ZNF385D: variants seen among roughly 807,000 people sequenced by gnomAD.
ZNF385D encodes the protein zinc finger protein 385D, also known as zinc finger protein 659.
ZNF385D carries 15 observed loss-of-function variants against 35.8 expected under a neutral mutation model. That is an observed-to-expected ratio of 0.42 (90% confidence interval 0.28 to 0.64). ZNF385D has a LOEUF of 0.64. Ranked by LOEUF, ZNF385D falls within the 30% of genes least tolerant of loss-of-function variation. The probability of loss-of-function intolerance (pLI) is 0.23; values close to 1 mark genes in which losing one functional copy is unlikely to be tolerated. For missense variants in ZNF385D, 474 were observed against 494.6 expected, an observed-to-expected ratio of 0.96 and a Z score of 0.39; for synonymous variants, 212 against 186.8, an observed-to-expected ratio of 1.13 and a Z score of -1.10.
rs1308853208 is a variant in ZNF385D at position 21,416,800 on chromosome 3, A to G, written c.*4414T>C. Reference sequence around the variant, plus strand: ...TAAAATACATGCAAACGCAGGACAGAATTAGTTATGGCTTAGTCGGGACCC... The same window carrying G: ...TAAAATACATGCAAACGCAGGACAGGATTAGTTATGGCTTAGTCGGGACCC... On this transcript the variant is annotated 3_prime_UTR_variant, in exon 8 of 8. Coordinates refer to ENST00000281523, the MANE Select transcript of ZNF385D (RefSeq NM_024697.3). 6.6e-6 allele frequency: 1 copy of G among 152,160 alleles called. No individual in the cohort carries two copies. The highest frequency in any genetic ancestry group is 1.9e-4 in the East Asian group (1 of 5,198). The allele number at this position is 152,160 out of a possible 1,614,324, so 9.4% of individuals were successfully genotyped here.
At chr3:21,598,357 G>A (rs897100696) in intron 2 of ZNF385D, among the ~76,000 whole-genome samples, 4 of 152,156 alleles carry the variant, frequency 2.6e-5, no homozygotes, top group Non-Finnish European at 4.4e-5. Flanking sequence ...AGCCTAATGA[G>A]TGAAAAATCC....
At chr3:22,297,330 GAAA>G (rs1053799057) in intron 2 of ZNF385D, among the ~76,000 whole-genome samples, 4 of 152,062 alleles carry the variant, frequency 2.6e-5, no homozygotes, top group Middle Eastern at 3.4e-3. Context: ...CCCTTCATCT[GAAA>G]AAAGCTATCT....
intron 2 of ZNF385D, among the ~76,000 whole-genome samples, chr3:21,639,241 C>T (rs1454023476): frequency 6.6e-6 from 1 of 151,978 alleles, no homozygotes; most frequent in East Asian, 1.9e-4. Flanking sequence ...TTCTGGAATA[C>T]TTTATATATC....
intron 2 of ZNF385D, among the ~76,000 whole-genome samples, chr3:22,201,815 A>T (rs532440959): frequency 6.6e-6 from 1 of 151,642 alleles, no homozygotes; most frequent in South Asian, 2.1e-4. Context: ...ATATACATAT[A>T]TATATATAAA....
intron 3 of ZNF385D, among the ~76,000 whole-genome samples, chr3:21,864,239 T>G (rs1416664440): frequency 2.0e-5 from 3 of 152,130 alleles, no homozygotes; most frequent in Non-Finnish European, 4.4e-5. Context: ...CATGTGACAT[T>G]TGATCCTTAT....
chr3:22,134,099 C>T (rs1450901844), intron 3 of ZNF385D: 1 of 151,926 alleles, frequency 6.6e-6, no homozygotes, highest in African/African-American at 2.4e-5. Context: ...TAATTTCATA[C>T]AATATAAATT....
rs1204061540 is a variant in ZNF385D, at chr3:21,601,459, G to T, written c.166-36775C>A. On this transcript the variant is annotated intron_variant, in intron 2 of 7. Transcript: ENST00000281523. ...AAAAAGTAACACAAGATTGTAGGCT[G>T]CTGTCCCAAGATGGAGAAAATCCCT... 2.0e-5 allele frequency among the ~76,000 whole-genome samples: 3 copies of T among 152,210 alleles called. No homozygotes were observed. The East Asian group carries it at 5.8e-4, about 29-fold the overall frequency.
chr3:22,165,088 T>G (rs1706225592), intron 3 of ZNF385D, among the ~76,000 whole-genome samples: 1 of 152,300 alleles, frequency 6.6e-6, no homozygotes, highest in Admixed American at 6.5e-5. Context: ...TGGATACATG[T>G]CATTACACAT....
At chr3:21,836,756 T>C (rs1012914665) in intron 3 of ZNF385D, among the ~76,000 whole-genome samples, 2 of 152,130 alleles carry the variant, frequency 1.3e-5, no homozygotes, top group African/African-American at 4.8e-5. Flanking sequence ...AATATTATTT[T>C]TATTTTCTAT....
intron 3 of ZNF385D, among the ~76,000 whole-genome samples, chr3:21,886,318 A>G (rs887290210): frequency 1.3e-5 from 2 of 152,068 alleles, no homozygotes; most frequent in African/African-American, 2.4e-5. Flanking sequence ...AATTCGCTGC[A>G]CAGTGATTGT....
At chr3:21,584,912 A>G (rs1484539192) in intron 2 of ZNF385D, among the ~76,000 whole-genome samples, 2 of 152,114 alleles carry the variant, frequency 1.3e-5, no homozygotes, top group African/African-American at 2.4e-5. Context: ...TAAAGCTTTC[A>G]TCTATTGGCA....
intron 1 of ZNF385D, among the ~76,000 whole-genome samples, chr3:21,679,954 C>A (rs562572075): frequency 6.6e-6 from 1 of 152,066 alleles, no homozygotes; most frequent in Admixed American, 6.6e-5. Context: ...CATTATCTGA[C>A]AAAATATTGT....
intron 2 of ZNF385D, among the ~76,000 whole-genome samples, chr3:22,215,440 T>A (rs1486755088): frequency 2.0e-5 from 3 of 151,958 alleles, no homozygotes; most frequent in Non-Finnish European, 4.4e-5. Flanking sequence ...GCCTCTAAAA[T>A]GGCTGCTTCA....
At chr3:21,597,191 T>C (rs1559445075) in intron 2 of ZNF385D, among the ~76,000 whole-genome samples, 1 of 152,130 alleles carries the variant, frequency 6.6e-6, no homozygotes, top group Non-Finnish European at 1.5e-5. Context: ...TACAACCTAA[T>C]TAATTAATTG....
Position 22,037,805 on chromosome 3 carries a change from T to A in ZNF385D, c.325+131012A>T, listed in dbSNP as rs900357852. Among the ~76,000 whole-genome samples the A allele has an allele frequency of 5.3e-5, 8 of 152,258 alleles. No homozygotes were observed. In the East Asian group the frequency reaches 1.5e-3, roughly 29 times the overall value. ...GCCCATGCCTATGTCCTGAATGGTA[T>A]TGCCTAGGTTTTCTTCTAGGGTTTT... On this transcript the variant is annotated intron_variant, in intron 3 of 5. Coordinates refer to the ZNF385D transcript ENST00000494108.
chr3:21,772,968 G>C (rs532710732), intron 3 of ZNF385D, among the ~76,000 whole-genome samples: 2 of 151,958 alleles, frequency 1.3e-5, no homozygotes, highest in South Asian at 2.1e-4. Context: ...GACAAATACT[G>C]TATGATTCCA....
chr3:21,540,772 T>C (rs963590084), intron 3 of ZNF385D, among the ~76,000 whole-genome samples: 5 of 152,216 alleles, frequency 3.3e-5, no homozygotes, highest in African/African-American at 1.2e-4. Flanking sequence ...ACTTATGTGA[T>C]TATGAAAAGA....
At chr3:22,024,321 G>A (rs954430694) in intron 3 of ZNF385D, among the ~76,000 whole-genome samples, 10 of 151,930 alleles carry the variant, frequency 6.6e-5, no homozygotes, top group Non-Finnish European at 1.0e-4. Flanking sequence ...ATATGTGTGC[G>A]TGTGTGTGTA....
At position 21,757,134 on chromosome 3, in the gene ZNF385D, T is replaced by TTTTTTTTTG. The variant is rs1553654008; in HGVS notation, c.326-92107_326-92106insCAAAAAAAA. Among the ~76,000 whole-genome samples, 990 of 127,934 alleles carry TTTTTTTTTG rather than the reference T, an allele frequency of 7.7e-3. 6 individuals carry two copies. Among genetic ancestry groups the TTTTTTTTTG allele is most frequent in the African/African-American group, 0.028 (933 of 33,834 alleles). 83.9% of individuals were successfully genotyped at this position (127,934 alleles called of 152,430 possible). A position where few individuals can be genotyped will look rare whatever the true frequency, so the allele number is the denominator to read the frequency against. On this transcript the variant is annotated intron_variant, in intron 3 of 5. Transcript: ENST00000494108. Reference sequence around the variant, plus strand: ...GATAAATTTCTCTTTTTTTTTTTTTTTTTTTGTTTTCTTGAGATGGTGTCT... The same window carrying TTTTTTTTTG: ...GATAAATTTCTCTTTTTTTTTTTTTTTTTTTTTTGTTTTTGTTTTCTTGAGATGGTGTCT...
Sources: gnomAD v4.1 joint callset for allele counts (sites outside exome capture counted in the v4.1 genomes callset) on GRCh38, gnomAD v4.1.1 for gene constraint, MANE v1.5 for transcripts, NCBI Gene and HGNC (gene_info 2026-07-23, HGNC 2026-07-21) for gene names.